The following ZHX3 variants were observed in gnomAD, a reference collection of about 807,000 sequenced individuals.
ZHX3 encodes the protein zinc fingers and homeoboxes 3.
A neutral mutation model predicts 64.5 loss-of-function variants in ZHX3; 20 were observed. That is an observed-to-expected ratio of 0.31 (90% CI 0.22 to 0.45). ZHX3 has a LOEUF of 0.45. Among genes scored for constraint, ZHX3 ranks in the 20% least tolerant of loss-of-function variants. The pLI is 1.00. For synonymous variants in ZHX3, 423 were observed against 461.6 expected (o/e 0.92, Z 1.07); for missense variants, 1,041 against 1,195.8 (o/e 0.87, Z 1.91).
intron 1 of ZHX3, among the ~76,000 whole-genome samples, chr20:41,310,801 ATTTTTTTTTT>A (rs72312127): frequency 1.2e-5 from 1 of 82,140 alleles, no homozygotes; most frequent in Non-Finnish European, 2.1e-5. Context: ...GTTAATTCTG[ATTTTTTTTTT>A]TTTTTTTTTT....
chr20:41,277,294 T>C (rs1004512724), intron 1 of ZHX3, among the ~76,000 whole-genome samples: 12 of 152,170 alleles, frequency 7.9e-5, no homozygotes, highest in Admixed American at 7.9e-4. Flanking sequence ...CAAGACCCTA[T>C]CTCTTACAAA....
chr20:41,193,852 G>A (rs1409293324), intron 3 of ZHX3, among the ~76,000 whole-genome samples: 2 of 151,926 alleles, frequency 1.3e-5, no homozygotes, highest in Admixed American at 6.6e-5. Context: ...AAAGGCACAT[G>A]CCACCATGCC....
chr20:41,288,122 G>A (rs2044030599), intron 1 of ZHX3, among the ~76,000 whole-genome samples: 1 of 152,128 alleles, frequency 6.6e-6, no homozygotes, highest in South Asian at 2.1e-4. Context: ...CACCTTCTGG[G>A]CTCAAGCGAT....
In ZHX3 at chr20:41,202,443, T is replaced by G. The variant is rs1362241570; in HGVS notation, c.2474A>C (p.Lys825Thr). 6.2e-7 allele frequency: 1 copy of G among 1,614,062 alleles called. No homozygotes were observed. The highest frequency in any genetic ancestry group is 1.3e-5 in the African/African-American group (1 of 74,912). ...GCCTCGCTTATAGTCTTCGTACCAT[T>G]TGAGTTGGCCGTTCTTCAGTGCGTA... ...SRYALKNGQL[K>T]WYEDYKRGNF... Residue 825 changes from lysine (K) to threonine (T), a missense_variant, in exon 3 of 4, where the codon AAA becomes ACA. Physicochemically the swap from Lys to Thr is moderately conservative, Grantham distance 78. Transcript: ENST00000683867. This position sits in a 1 kb window ranked among gnomAD's most constrained non-coding sequence, Gnocchi z 7.0.
At chr20:41,208,384 AC>A (rs1466824958) in intron 2 of ZHX3, among the ~76,000 whole-genome samples, 3 of 152,196 alleles carry the variant, frequency 2.0e-5, no homozygotes, top group Non-Finnish European at 4.4e-5. Context: ...CAGAGACACA[AC>A]AAAAAAAGAG....
chr20:41,298,797 A>G (rs570833524), intron 1 of ZHX3, among the ~76,000 whole-genome samples: 1 of 152,342 alleles, frequency 6.6e-6, no homozygotes, highest in South Asian at 2.1e-4. Flanking sequence ...GAATCTGAAG[A>G]GAGGGACTTG....
chr20:41,196,207 T>C (rs948055936), intron 3 of ZHX3, among the ~76,000 whole-genome samples: 1 of 143,468 alleles, frequency 7.0e-6, no homozygotes, highest in Non-Finnish European at 1.5e-5. Context: ...ACTATTTTTG[T>C]CTTTCTCCCT....
chr20:41,303,160 A>G lies in ZHX3; in HGVS notation c.-245+14349T>C, dbSNP rs1025054153. ...AGGTATGTCCAAGATCCCATAGCTG[A>G]TAAGTGGCGAAGCCAAACTGGACAC... On this transcript the variant is annotated intron_variant, in intron 1 of 3. Coordinates refer to ENST00000683867, the MANE Select transcript of ZHX3 (RefSeq NM_001384317.1). Among the ~76,000 whole-genome samples the G allele has an allele frequency of 2.6e-5, 4 of 152,276 alleles. No homozygotes were observed. In the East Asian group the frequency reaches 5.8e-4, roughly 22 times the overall value.
chr20:41,190,534 T>A (rs1344336961), intron 3 of ZHX3, among the ~76,000 whole-genome samples: 1 of 152,328 alleles, frequency 6.6e-6, no homozygotes, highest in African/African-American at 2.4e-5. Context: ...GTTTTATATA[T>A]TTTTTTCCTT....
intron 2 of ZHX3, among the ~76,000 whole-genome samples, chr20:41,240,889 T>C (rs1379804226): frequency 6.6e-6 from 1 of 152,266 alleles, no homozygotes; most frequent in Non-Finnish European, 1.5e-5. Flanking sequence ...GTATATGTAC[T>C]ACAGTTTTCT....
rs547405491 is a variant in ZHX3, at chr20:41,219,419, A to C, written c.-150-14353T>G. 2.7e-3 allele frequency among the ~76,000 whole-genome samples: 404 copies of C among 152,310 alleles called. 1 individual carries two copies. Among genetic ancestry groups the C allele is most frequent in the Middle Eastern group, 3.4e-3 (1 of 294 alleles). On this transcript the variant is annotated intron_variant, in intron 2 of 3. Coordinates refer to ENST00000683867, the MANE Select transcript of ZHX3 (RefSeq NM_001384317.1). The surrounding 1 kb of genome is among the most constrained non-coding windows in gnomAD (Gnocchi z 5.0). ...TATTCTAACCACTCACCTTTGCATG[A>C]ATTTTACCTTAAGTACCACTACCAG...
intron 2 of ZHX3, among the ~76,000 whole-genome samples, chr20:41,244,669 T>G (rs2041585000): frequency 6.6e-6 from 1 of 152,172 alleles, no homozygotes; most frequent in South Asian, 2.1e-4. Context: ...AGAAAAACCC[T>G]TACTCTCTTT....
intron 2 of ZHX3, among the ~76,000 whole-genome samples, chr20:41,222,688 A>C (rs570917070): frequency 1.3e-5 from 2 of 152,304 alleles, no homozygotes; most frequent in South Asian, 4.1e-4. Flanking sequence ...TGTTACTTTA[A>C]ATGTACTTGC....
intron 2 of ZHX3, among the ~76,000 whole-genome samples, chr20:41,230,051 A>C (rs923871839): frequency 5.9e-5 from 9 of 152,216 alleles, no homozygotes; most frequent in Admixed American, 5.9e-4. Flanking sequence ...CCTTGTAAAA[A>C]ATCATTTGAC....
intron 1 of ZHX3, among the ~76,000 whole-genome samples, chr20:41,312,744 T>C (rs946911542): frequency 3.3e-5 from 5 of 152,154 alleles, no homozygotes; most frequent in Admixed American, 2.0e-4. Context: ...GAATACGGCA[T>C]GTTTGAGGAA....
chr20:41,244,196 T>C (rs759465494), intron 2 of ZHX3, among the ~76,000 whole-genome samples: 2 of 152,028 alleles, frequency 1.3e-5, no homozygotes, highest in Non-Finnish European at 2.9e-5. Flanking sequence ...GACACAGTTA[T>C]CCCTAGTTGA....
At chr20:41,283,300 C>T (rs2043782147) in intron 1 of ZHX3, among the ~76,000 whole-genome samples, 1 of 152,162 alleles carries the variant, frequency 6.6e-6, no homozygotes, top group Non-Finnish European at 1.5e-5. Context: ...GAGCCCTCTC[C>T]TCCACATCTG....
At chr20:41,230,395 A>G (rs1349296677) in intron 2 of ZHX3, among the ~76,000 whole-genome samples, 2 of 152,236 alleles carry the variant, frequency 1.3e-5, no homozygotes, top group East Asian at 3.9e-4. Flanking sequence ...GTACTTAGGG[A>G]GCAGGATATC....
In ZHX3 at chr20:41,192,889, G is replaced by A. The variant is rs183840100; in HGVS notation, c.2861-7688C>T. ...ACTGCAAGGGCTGAGGAGCTCTCCC[G>A]TGGCTAGAACTGCAGAATCCTTTCA... is the stretch of plus-strand genomic sequence containing the variant. On this transcript the variant is annotated intron_variant, in intron 3 of 3. Transcript: ENST00000683867. 6.6e-4 allele frequency among the ~76,000 whole-genome samples: 101 copies of A among 152,316 alleles called. 1 individual carries two copies. The East Asian group carries it at 0.011, about 17-fold the overall frequency.
Sources: gnomAD v4.1 joint callset for allele counts (sites outside exome capture counted in the v4.1 genomes callset) on GRCh38, gnomAD v4.1.1 for gene constraint, Gnocchi (gnomAD v3.1) non-coding constraint, MANE v1.5 for transcripts, NCBI Gene and HGNC (gene_info 2026-07-23, HGNC 2026-07-21) for gene names.